The following TNR variants were observed in gnomAD, a reference collection of about 807,000 sequenced individuals.
TNR encodes tenascin-R.
In TNR, 45 loss-of-function variants were observed where a neutral mutation model predicts 150.4. The ratio of observed to expected loss-of-function variants is 0.30; its 90% CI spans 0.24 to 0.38. The LOEUF (loss-of-function observed/expected upper bound fraction) is 0.38. Ranked by LOEUF, TNR falls within the 10% of genes least tolerant of loss-of-function variation. The probability of loss-of-function intolerance (pLI) is 1.00; values close to 1 mark genes in which losing one functional copy is unlikely to be tolerated. For missense variants in TNR, 1,544 were observed against 1,759.1 expected, an observed-to-expected ratio of 0.88 and a Z score of 2.19; for synonymous variants, 687 against 678.4, an observed-to-expected ratio of 1.01 and a Z score of -0.20.
At chr1:175,553,851 C>T (rs1013219317) in intron 1 of TNR, among the ~76,000 whole-genome samples, 1 of 149,896 alleles carries the variant, frequency 6.7e-6, no homozygotes, top group Non-Finnish European at 1.5e-5. Flanking sequence ...CACACACAAA[C>T]AATAATTACC....
chr1:175,328,290 G>T (rs996135317), intron 21 of TNR, among the ~76,000 whole-genome samples: 10 of 152,178 alleles, frequency 6.6e-5, no homozygotes, highest in African/African-American at 2.4e-4. Context: ...ACCTCTGATT[G>T]ATAACTTAAT....
chr1:175,487,361 A>G (rs893516953), intron 2 of TNR, among the ~76,000 whole-genome samples: 2 of 152,188 alleles, frequency 1.3e-5, no homozygotes, highest in African/African-American at 4.8e-5. Context: ...GGTTTCTAAA[A>G]GGCCATGAAC....
At chr1:175,737,749 A>G (rs6691264) in intron 1 of TNR, among the ~76,000 whole-genome samples, 98 of 152,306 alleles carry the variant, frequency 6.4e-4, no homozygotes, top group African/African-American at 2.4e-3. Flanking sequence ...AGATGTTATT[A>G]TAGAAGCCAA....
chr1:175,537,019 C>T (rs1660318236), intron 1 of TNR, among the ~76,000 whole-genome samples: 1 of 152,184 alleles, frequency 6.6e-6, no homozygotes, highest in Non-Finnish European at 1.5e-5. Flanking sequence ...CCCACAGCCT[C>T]TCTGCATCTA....
chr1:175,651,481 T>C (rs904003408), intron 1 of TNR, among the ~76,000 whole-genome samples: 1 of 152,070 alleles, frequency 6.6e-6, no homozygotes, highest in Non-Finnish European at 1.5e-5. Flanking sequence ...TATTGAAGAA[T>C]TGTGAATATG....
chr1:175,643,650 A>C (rs1211075564), intron 1 of TNR, among the ~76,000 whole-genome samples: 1 of 152,252 alleles, frequency 6.6e-6, no homozygotes, highest in East Asian at 1.9e-4. Flanking sequence ...TGCAGAGCCT[A>C]GAGAACTTTT....
intron 2 of TNR, among the ~76,000 whole-genome samples, chr1:175,474,349 G>A (rs915316318): frequency 1.3e-5 from 2 of 152,104 alleles, no homozygotes; most frequent in African/African-American, 4.8e-5. Flanking sequence ...AGGAGATCAG[G>A]GCATCCAGAG....
intron 1 of TNR, among the ~76,000 whole-genome samples, chr1:175,535,852 G>C (rs933728794): frequency 6.6e-6 from 1 of 152,128 alleles, no homozygotes; most frequent in African/African-American, 2.4e-5. Context: ...GGAAAAAACT[G>C]CATCTTTAAT....
chr1:175,447,098 G>A (rs1656090362), intron 2 of TNR, among the ~76,000 whole-genome samples: 1 of 152,062 alleles, frequency 6.6e-6, no homozygotes, highest in African/African-American at 2.4e-5. Flanking sequence ...CCAGATGCTC[G>A]GAACCATCCC....
intron 2 of TNR, among the ~76,000 whole-genome samples, chr1:175,447,599 A>G (rs1184627227): frequency 6.6e-6 from 1 of 152,062 alleles, no homozygotes; most frequent in East Asian, 1.9e-4. Context: ...AAGCAGGGGG[A>G]CCTCAAGAAT....
intron 1 of TNR, among the ~76,000 whole-genome samples, chr1:175,675,020 G>A (rs1235649897): frequency 6.6e-6 from 1 of 152,186 alleles, no homozygotes; most frequent in African/African-American, 2.4e-5. Flanking sequence ...GGGGTGGCTG[G>A]AGTTGCAAAA....
Position 175,396,782 on chromosome 1 carries a change from C to T in TNR, c.1002G>A (p.Val334=). The change falls in exon 5 of 23, where the codon GTG becomes GTA. Residue 334 remains valine, a synonymous_variant. Transcript: ENST00000367674. ...SAVAPPEDLR[V]AGISDRSIEL... is the part of the protein sequence containing the mutation. ...CAATGGACCTGTCGCTGATACCAGC[C>T]ACTCGCAAGTCCTCTGGAGGGGCAA... 19 of 1,613,980 alleles carry T rather than the reference C, an allele frequency of 1.2e-5. No homozygotes were observed. The highest frequency in any genetic ancestry group is 1.6e-5 in the Non-Finnish European group (19 of 1,179,870).
chr1:175,519,164 C>A (rs1421078821), intron 2 of TNR, among the ~76,000 whole-genome samples: 4 of 152,212 alleles, frequency 2.6e-5, no homozygotes, highest in Admixed American at 1.3e-4. Flanking sequence ...CTTAAAGACA[C>A]AAACACAGTC....
chr1:175,420,283 T>C (rs1312101806), intron 2 of TNR, among the ~76,000 whole-genome samples: 2 of 152,174 alleles, frequency 1.3e-5, no homozygotes, highest in Admixed American at 6.5e-5. Flanking sequence ...GGAGGGGCTG[T>C]TTAATCCAGA....
intron 13 of TNR, 127 bp from the exon 14 acceptor site, chr1:175,362,936 A>G (rs1651670420): frequency 8.7e-7 from 1 of 1,149,482 alleles, no homozygotes; most frequent in Non-Finnish European, 1.3e-6. Context: ...GGGATGATAC[A>G]TGGTTCATGG....
intron 9 of TNR, among the ~76,000 whole-genome samples, chr1:175,371,704 G>T (rs567067175): frequency 6.6e-6 from 1 of 152,290 alleles, no homozygotes; most frequent in South Asian, 2.1e-4. Flanking sequence ...TACTGATAGG[G>T]TATTGCAGAT....
intron 2 of TNR, among the ~76,000 whole-genome samples, chr1:175,499,920 G>A (rs1658662280): frequency 1.3e-5 from 2 of 152,298 alleles, no homozygotes; most frequent in South Asian, 4.1e-4. Flanking sequence ...AAGTCATGGT[G>A]CAATACAGCA....
At chr1:175,475,715 A>G (rs1308661548) in intron 2 of TNR, among the ~76,000 whole-genome samples, 1 of 152,190 alleles carries the variant, frequency 6.6e-6, no homozygotes, top group Non-Finnish European at 1.5e-5. Context: ...CAAGAAGGCA[A>G]TTACTCTTCA....
intron 6 of TNR, among the ~76,000 whole-genome samples, chr1:175,393,569 C>G (rs1013949030): frequency 6.6e-6 from 1 of 152,188 alleles, no homozygotes; most frequent in Non-Finnish European, 1.5e-5. Flanking sequence ...GGCCAGGGTG[C>G]CATGCTCAGG....
Sources: allele counts gnomAD v4.1 joint callset (sites outside exome capture counted in the v4.1 genomes callset), GRCh38; gene constraint gnomAD v4.1.1; transcripts MANE v1.5; gene names NCBI Gene and HGNC (gene_info 2026-07-23, HGNC 2026-07-21).